QKI: variants seen among roughly 807,000 people sequenced by gnomAD.
The protein encoded by QKI is QKI, KH domain containing RNA binding.
In QKI, 10 loss-of-function variants were observed where a neutral mutation model predicts 39.0. That is an observed-to-expected ratio of 0.26 (90% confidence interval 0.16 to 0.43). The LOEUF (loss-of-function observed/expected upper bound fraction) is 0.43, where lower values mean the gene tolerates loss of function less well. Among genes scored for constraint, QKI ranks in the 20% least tolerant of loss-of-function variants. QKI has a pLI of 1.00. For missense variants in QKI, 218 were observed against 428.0 expected (o/e 0.51, Z 4.33); for synonymous variants, 204 against 155.4 (o/e 1.31, Z -2.33).
At position 163,431,845 on chromosome 6, in the gene QKI, A is replaced by C. The variant is rs868434294; in HGVS notation, c.142+16510A>C. 7.5e-3 allele frequency among the ~76,000 whole-genome samples: 1,134 copies of C among 150,382 alleles called. 14 individuals carry two copies. The highest frequency in any genetic ancestry group is 0.027 in the African/African-American group (1,078 of 40,642). On this transcript the variant is annotated intron_variant, in intron 1 of 7. Transcript: ENST00000361752. ...ACTGTTCTTATTAAAAAAAAAAAAA[A>C]ACCCTGTAATTCTGCAATTTTAAAG... is the stretch of plus-strand genomic sequence containing the variant.
intron 5 of QKI, 74 bp downstream of exon 5, chr6:163,562,143 AAC>A: frequency 9.3e-7 from 1 of 1,072,588 alleles, no homozygotes; most frequent in Non-Finnish European, 1.4e-6. Context: ...TCCTTTTGGC[AAC>A]ACAATAATAG....
In QKI at chr6:163,427,120, A is replaced by G. The variant is rs73787642; in HGVS notation, c.142+11785A>G. On this transcript the variant is annotated intron_variant, in intron 1 of 7. Coordinates refer to ENST00000361752, the MANE Select transcript of QKI (RefSeq NM_006775.3). ...AATTTAGGTGTTAAACATGTTCATT[A>G]CTCTCAGGATGTGATTACTTCTGAG... Among the ~76,000 whole-genome samples the G allele has an allele frequency of 3.3e-3, 502 of 151,690 alleles. 3 individuals carry two copies. The highest frequency in any genetic ancestry group is 0.011 in the African/African-American group (472 of 41,288).
At chr6:163,476,951 AT>A (rs1562470360) in intron 2 of QKI, among the ~76,000 whole-genome samples, 1 of 151,376 alleles carries the variant, frequency 6.6e-6, no homozygotes, top group Non-Finnish European at 1.5e-5. Flanking sequence ...AGATAGTATT[AT>A]CCCCATTCTG....
intron 4 of QKI, among the ~76,000 whole-genome samples, chr6:163,546,819 T>C (rs1418953320): frequency 1.3e-5 from 2 of 152,144 alleles, no homozygotes; most frequent in East Asian, 3.8e-4. Flanking sequence ...TATTAAATTA[T>C]CCTGCTTATT....
At chr6:163,478,982 G>A (rs1187647623) in intron 3 of QKI, 86 bp downstream of exon 3, 3 of 1,227,630 alleles carry the variant, frequency 2.4e-6, no homozygotes, top group Non-Finnish European at 3.5e-6. Context: ...AGATTTTTTT[G>A]TGCTTAAAAC....
chr6:163,470,254 C>T (rs897202288), intron 2 of QKI, among the ~76,000 whole-genome samples: 3 of 152,036 alleles, frequency 2.0e-5, no homozygotes, highest in African/African-American at 7.2e-5. Context: ...ACCTCCCTTG[C>T]CATGCCCAGC....
chr6:163,561,492 C>A (rs1783004717), intron 4 of QKI, among the ~76,000 whole-genome samples: 1 of 152,134 alleles, frequency 6.6e-6, no homozygotes, highest in African/African-American at 2.4e-5. Flanking sequence ...CCTCTAGTCG[C>A]AGCTACTTCG....
chr6:163,467,383 CAT>C (rs1448912398), intron 2 of QKI, among the ~76,000 whole-genome samples: 2 of 152,202 alleles, frequency 1.3e-5, no homozygotes, highest in Non-Finnish European at 2.9e-5. Context: ...AGAACTTTCT[CAT>C]ATAATAAGCC....
chr6:163,416,915 CAAA>C (rs4055816), intron 1 of QKI, among the ~76,000 whole-genome samples: 32,874 of 146,980 alleles, frequency 0.22, 3,644 homozygotes, highest in Middle Eastern at 0.3. Context: ...TCTGGAATGT[CAAA>C]AAAAAAAAAA....
At position 163,538,426 on chromosome 6, in the gene QKI, C is replaced by T. The variant is rs192706044; in HGVS notation, c.546+3301C>T. 1.5e-4 allele frequency among the ~76,000 whole-genome samples: 23 copies of T among 152,104 alleles called. 1 individual carries two copies. Among genetic ancestry groups the T allele is most frequent in the African/African-American group, 4.8e-4 (20 of 41,492 alleles). ...TAAGAAAAAACCTTAGCGAAAAGTGCGGTGGCCCTGAGGCATGTTCAGAGA... is the reference window on the plus strand; with the variant it reads ...TAAGAAAAAACCTTAGCGAAAAGTGTGGTGGCCCTGAGGCATGTTCAGAGA... On this transcript the variant is annotated intron_variant, in intron 4 of 7. Coordinates refer to ENST00000361752, the MANE Select transcript of QKI (RefSeq NM_006775.3).
Position 163,564,239 on chromosome 6 carries a change from G to A in QKI, c.934+520G>A, listed in dbSNP as rs563360096. The A allele has an allele frequency of 6.8e-5, 70 of 1,026,688 alleles. No homozygotes were observed. In the South Asian group the frequency reaches 1.8e-3, roughly 27 times the overall value. The allele number at this position is 1,026,688 out of a possible 1,614,324, so 63.6% of individuals were successfully genotyped here. ...ATACAGTCATGCATCGCTTAACAAC[G>A]GGGATACAGTCTAAGAATTGCCTTG... On this transcript the variant is annotated intron_variant, in intron 6 of 7. Transcript: ENST00000361752.
chr6:163,571,532 A>G lies in QKI; in HGVS notation c.*822A>G, dbSNP rs1327649151. ...TTTTTTTAAACCTCCCTGTATAGAA[A>G]AAAATCATTAAGGATGTAAAAGCCA... On this transcript the variant is annotated 3_prime_UTR_variant, in exon 8 of 8. Coordinates refer to ENST00000361752, the MANE Select transcript of QKI (RefSeq NM_006775.3). 6.6e-6 allele frequency: 1 copy of G among 152,186 alleles called. No individual in the cohort carries two copies. 9.4% of individuals were successfully genotyped at this position (152,186 alleles called of 1,614,324 possible).
chr6:163,474,251 A>G (rs1183491263), intron 2 of QKI, among the ~76,000 whole-genome samples: 1 of 152,196 alleles, frequency 6.6e-6, no homozygotes, highest in Admixed American at 6.5e-5. Flanking sequence ...TTTATTCTTG[A>G]AATTTGGAAC....
At chr6:163,533,567 C>G (rs554765955) in intron 3 of QKI, among the ~76,000 whole-genome samples, 1 of 152,188 alleles carries the variant, frequency 6.6e-6, no homozygotes, top group East Asian at 1.9e-4. Context: ...TTTGTATGTT[C>G]TTGATTTTTA....
At chr6:163,478,983 T>C in intron 3 of QKI, 87 bp downstream of exon 3, 5 of 1,178,624 alleles carry the variant, frequency 4.2e-6, no homozygotes, top group Non-Finnish European at 6.1e-6. Context: ...GATTTTTTTG[T>C]GCTTAAAACA....
chr6:163,564,809 A>G lies in QKI; in HGVS notation c.934+1090A>G, dbSNP rs1429551182. 3.1e-6 allele frequency: 5 copies of G among 1,594,728 alleles called. No homozygotes were observed. The African/African-American group carries it at 5.4e-5, about 17-fold the overall frequency. On this transcript the variant is annotated intron_variant, in intron 6 of 7. Coordinates refer to ENST00000361752, the MANE Select transcript of QKI (RefSeq NM_006775.3). ...GCAACCCCTTTGTTTTACCAGACAA[A>G]ATTTGAATACTTTTTTTCCTGAATT... is the stretch of plus-strand genomic sequence containing the variant.
At chr6:163,424,165 A>G (rs546809259) in intron 1 of QKI, among the ~76,000 whole-genome samples, 2 of 152,332 alleles carry the variant, frequency 1.3e-5, no homozygotes, top group East Asian at 3.9e-4. Flanking sequence ...CCTTTGATAC[A>G]GTTGTTACAT....
intron 1 of QKI, among the ~76,000 whole-genome samples, chr6:163,418,889 G>T (rs978527116): frequency 6.6e-6 from 1 of 152,110 alleles, no homozygotes; most frequent in African/African-American, 2.4e-5. Flanking sequence ...AGGGGAAAAT[G>T]GAGAACTAGT....
At chr6:163,511,254 A>G (rs976593094) in intron 3 of QKI, among the ~76,000 whole-genome samples, 1 of 152,202 alleles carries the variant, frequency 6.6e-6, no homozygotes, top group Non-Finnish European at 1.5e-5. Flanking sequence ...GGAAATTTAT[A>G]TATTTAATTA....
Sources: allele counts gnomAD v4.1 joint callset (sites outside exome capture counted in the v4.1 genomes callset), GRCh38; gene constraint gnomAD v4.1.1; transcripts MANE v1.5; gene names NCBI Gene and HGNC (gene_info 2026-07-23, HGNC 2026-07-21).